Variants in ATP8A2 observed in about 807,000 individuals in gnomAD.
ATP8A2 encodes the protein ATPase phospholipid transporting 8A2.
Under a neutral mutation model 165.6 loss-of-function variants are expected in ATP8A2, and 100 were observed. That is an observed-to-expected ratio of 0.60 (90% CI 0.51 to 0.71). The LOEUF (loss-of-function observed/expected upper bound fraction) is 0.71, where lower values mean the gene tolerates loss of function less well. Among genes scored for constraint, ATP8A2 ranks in the 30% least tolerant of loss-of-function variants. The pLI is 0.00. For missense variants in ATP8A2, 1,227 were observed against 1,479.5 expected, an observed-to-expected ratio of 0.83 and a Z score of 2.80; for synonymous variants, 543 against 548.8, an observed-to-expected ratio of 0.99 and a Z score of 0.15.
rs2038343090 is a variant in ATP8A2, at chr13:25,537,989, T to C, written c.509T>C (p.Val170Ala). ...CTGTCCTCATCCCTGTCTCTCTAGG[T>C]GGCAGTGGGAGACATTGTGAAGGTC... is the stretch of plus-strand genomic sequence containing the variant. Reference protein sequence around the residue: ...GMWHTIMWKEVAVGDIVKVVN... With the variant: ...GMWHTIMWKEAAVGDIVKVVN... Residue 170 changes from valine (V) to alanine (A), a missense_variant and splice_region_variant, in exon 7 of 37, where the codon GTG (valine) becomes GCG (alanine). Physicochemically the swap from Val to Ala is moderately conservative, Grantham distance 64 (BLOSUM62 0). This residue lies in a region of ATP8A2 where 356 missense variants were observed against 394.9 expected (regional missense o/e 0.90). Coordinates refer to ENST00000381655, the MANE Select transcript of ATP8A2 (RefSeq NM_016529.6). 1 of 1,611,704 alleles carries C rather than the reference T, an allele frequency of 6.2e-7. No individual in the cohort carries two copies. The highest frequency in any genetic ancestry group is 2.2e-5 in the East Asian group (1 of 44,872).
chr13:25,659,175 C>T (rs926052439), intron 24 of ATP8A2, among the ~76,000 whole-genome samples: 1 of 152,154 alleles, frequency 6.6e-6, no homozygotes. Flanking sequence ...GTCTTGCAAA[C>T]GGTCGTTTGA....
chr13:25,832,111 C>T (rs9578923), intron 28 of ATP8A2, among the ~76,000 whole-genome samples: 1,825 of 151,780 alleles, frequency 0.012, 43 homozygotes, highest in African/African-American at 0.039. Flanking sequence ...GGCAAATTTT[C>T]TGTATTTTTA....
rs113848867 is a variant in ATP8A2 at position 25,845,845 on chromosome 13, A to G, written c.2956+6221A>G. 2.6e-3 allele frequency among the ~76,000 whole-genome samples: 401 copies of G among 152,328 alleles called. 4 individuals are homozygous for G. Among genetic ancestry groups the G allele is most frequent in the African/African-American group, 9.0e-3 (373 of 41,560 alleles). ...ATTGCCAGTGTTCTCTGAGACTGCA[A>G]CTTCTTAAACTCAATTATTCACTCA... On this transcript the variant is annotated intron_variant, in intron 30 of 36. Transcript: ENST00000381655.
At chr13:25,528,842 T>C (rs533613340) in intron 2 of ATP8A2, among the ~76,000 whole-genome samples, 10 of 81,868 alleles carry the variant, frequency 1.2e-4, no homozygotes, top group African/African-American at 3.7e-4. Flanking sequence ...AACATGTGTA[T>C]GCACACATAT....
At position 25,646,671 on chromosome 13, in the gene ATP8A2, A is replaced by AAAAAAAAAAC. The variant is rs10675043; in HGVS notation, c.2212-52502_2212-52501insAAAAAAAAAC. Among the ~76,000 whole-genome samples, 3 of 123,996 alleles carry AAAAAAAAAAC rather than the reference A, an allele frequency of 2.4e-5. 1 individual carries two copies. The allele number at this position is 123,996 out of a possible 152,430, so 81.3% of individuals were successfully genotyped here. A position where few individuals can be genotyped will look rare whatever the true frequency, so the allele number is the denominator to read the frequency against. On this transcript the variant is annotated intron_variant, in intron 24 of 36. Coordinates refer to ENST00000381655, the MANE Select transcript of ATP8A2 (RefSeq NM_016529.6). ...CTCCATCTCAAAAAAAAAAAAAAAA[A>AAAAAAAAAAC]CACACAAAAGAATCATTTAGTCACT...
intron 2 of ATP8A2, among the ~76,000 whole-genome samples, chr13:25,512,439 A>G (rs940767761): frequency 6.6e-6 from 1 of 151,216 alleles, no homozygotes; most frequent in Admixed American, 6.6e-5. Flanking sequence ...GGGGCTCCTC[A>G]CTTCCCAGTG....
At chr13:25,848,267 T>A (rs1951920197) in intron 30 of ATP8A2, among the ~76,000 whole-genome samples, 1 of 152,238 alleles carries the variant, frequency 6.6e-6, no homozygotes, top group Non-Finnish European at 1.5e-5. Context: ...TGAGGCTCCA[T>A]GGAGTACACC....
At chr13:25,965,011 T>C (rs1042526635) in intron 34 of ATP8A2, among the ~76,000 whole-genome samples, 9 of 151,934 alleles carry the variant, frequency 5.9e-5, no homozygotes, top group Non-Finnish European at 1.0e-4. Flanking sequence ...ATACAAAAAT[T>C]AGTTGGGCAT....
intron 1 of ATP8A2, among the ~76,000 whole-genome samples, chr13:25,444,950 T>G (rs1440441952): frequency 1.3e-5 from 2 of 152,246 alleles, no homozygotes; most frequent in Admixed American, 1.3e-4. Flanking sequence ...GAGCATCTTT[T>G]CATGTGTTTA....
intron 27 of ATP8A2, among the ~76,000 whole-genome samples, chr13:25,817,767 T>A (rs1453368201): frequency 6.6e-6 from 1 of 152,136 alleles, no homozygotes; most frequent in Non-Finnish European, 1.5e-5. Context: ...AGCCTCAACC[T>A]CTCTGGCTCA....
intron 24 of ATP8A2, among the ~76,000 whole-genome samples, chr13:25,605,243 A>G (rs1220789060): frequency 1.3e-5 from 2 of 152,234 alleles, no homozygotes; most frequent in African/African-American, 4.8e-5. Context: ...GTAGACCTGG[A>G]CATGTTTTAT....
intron 24 of ATP8A2, among the ~76,000 whole-genome samples, chr13:25,593,985 T>C (rs2040165244): frequency 6.6e-6 from 1 of 152,192 alleles, no homozygotes; most frequent in African/African-American, 2.4e-5. Flanking sequence ...AAAACAGTGA[T>C]CTGATCTGAC....
chr13:25,683,690 CTT>C (rs574979200), intron 24 of ATP8A2, among the ~76,000 whole-genome samples: 8 of 142,702 alleles, frequency 5.6e-5, no homozygotes, highest in South Asian at 2.2e-4. Flanking sequence ...CCATCATTTC[CTT>C]TTTTTTTTTT....
At chr13:25,839,501 A>G (rs766502482) in intron 29 of ATP8A2, 45 bp from the exon 30 acceptor site, 2 of 1,415,680 alleles carry the variant, frequency 1.4e-6, no homozygotes, top group African/African-American at 1.4e-5. Flanking sequence ...ACAGAGGTCA[A>G]GCGTTTTGGG....
At chr13:25,911,798 C>T (rs1333164720) in intron 33 of ATP8A2, among the ~76,000 whole-genome samples, 1 of 152,212 alleles carries the variant, frequency 6.6e-6, no homozygotes, top group Non-Finnish European at 1.5e-5. Context: ...TTTCTTATCT[C>T]ACTCTTTACT....
Position 25,484,721 on chromosome 13 carries a change from T to TG in ATP8A2, c.221+15602dup, listed in dbSNP as rs576886390. 2.0e-3 allele frequency among the ~76,000 whole-genome samples: 297 copies of TG among 152,214 alleles called. 2 individuals carry two copies. The highest frequency in any genetic ancestry group is 6.2e-3 in the African/African-American group (256 of 41,558). On this transcript the variant is annotated intron_variant, in intron 2 of 36. Coordinates refer to ENST00000381655, the MANE Select transcript of ATP8A2 (RefSeq NM_016529.6). The stretch of plus-strand genomic sequence containing the variant: ...TAGTAGAGATGGAATTTCACTATGT[T>TG]GGCCAGGCTAGCCTCGAACTCCTGA...
At chr13:25,913,909 T>C (rs1215502349) in intron 33 of ATP8A2, among the ~76,000 whole-genome samples, 1 of 152,172 alleles carries the variant, frequency 6.6e-6, no homozygotes, top group African/African-American at 2.4e-5. Context: ...ACTAAGCAGC[T>C]CTGAGCCCTT....
chr13:25,736,135 G>A (rs2043763863), intron 25 of ATP8A2, among the ~76,000 whole-genome samples: 1 of 152,174 alleles, frequency 6.6e-6, no homozygotes, highest in South Asian at 2.1e-4. Context: ...TATAGCCTAG[G>A]TGTGTAGTAG....
At chr13:25,802,399 G>A (rs1400882580) in intron 27 of ATP8A2, among the ~76,000 whole-genome samples, 1 of 152,034 alleles carries the variant, frequency 6.6e-6, no homozygotes, top group African/African-American at 2.4e-5. Flanking sequence ...CTAAATGCTG[G>A]CCAACTTTAA....
Sources: allele counts gnomAD v4.1 joint callset (sites outside exome capture counted in the v4.1 genomes callset), GRCh38; gene constraint gnomAD v4.1.1; regional missense constraint gnomAD v4.1.1; transcripts MANE v1.5; gene names NCBI Gene and HGNC (gene_info 2026-07-23, HGNC 2026-07-21).